IGF1R: variants seen among roughly 807,000 people sequenced by gnomAD.
The protein encoded by IGF1R is insulin-like growth factor 1 receptor.
Under a neutral mutation model 144.6 loss-of-function variants are expected in IGF1R, and 44 were observed. That is an observed-to-expected ratio of 0.30 (90% CI 0.24 to 0.39). The LOEUF is 0.39. Among genes scored for constraint, IGF1R ranks in the 10% least tolerant of loss-of-function variants. The pLI, the probability that IGF1R is intolerant of heterozygous loss-of-function variation, is 1.00. For synonymous variants in IGF1R, 795 were observed against 722.8 expected, an observed-to-expected ratio of 1.10 and a Z score of -1.60; for missense variants, 1,355 against 1,833.7, an observed-to-expected ratio of 0.74 and a Z score of 4.77.
chr15:98,877,910 C>T (rs1002351980), intron 2 of IGF1R, among the ~76,000 whole-genome samples: 4 of 152,166 alleles, frequency 2.6e-5, no homozygotes, highest in Non-Finnish European at 5.9e-5. Context: ...TCAGTTTAGT[C>T]GTTTAAGTTA....
rs532595411 is a variant in IGF1R at position 98,953,598 on chromosome 15, T to A, written c.3723-3463T>A. On this transcript the variant is annotated intron_variant, in intron 20 of 20. Transcript: ENST00000650285. ...TGCGGGATAAGGGCCAGGGCAGAGG[T>A]GTGAACGCAGCCGTGGAAGACTTGG... Among the ~76,000 whole-genome samples the A allele has an allele frequency of 2.2e-4, 33 of 152,124 alleles. 1 individual carries two copies. Among genetic ancestry groups the A allele is most frequent in the African/African-American group, 7.7e-4 (32 of 41,510 alleles).
intron 13 of IGF1R, among the ~76,000 whole-genome samples, chr15:98,928,252 G>C (rs1310956038): frequency 6.6e-6 from 1 of 152,204 alleles, no homozygotes. Context: ...TACCAAGCCA[G>C]ATCATCTCTG....
intron 2 of IGF1R, among the ~76,000 whole-genome samples, chr15:98,821,137 A>C (rs1203929330): frequency 1.3e-5 from 2 of 152,226 alleles, no homozygotes; most frequent in African/African-American, 4.8e-5. Flanking sequence ...GAAGAAAAAC[A>C]AAAATCAAGG....
chr15:98,853,743 G>A (rs1478152539), intron 2 of IGF1R, among the ~76,000 whole-genome samples: 2 of 152,224 alleles, frequency 1.3e-5, no homozygotes, highest in Non-Finnish European at 2.9e-5. Flanking sequence ...AAGGGTCGGT[G>A]CCCTGCGCCC....
At chr15:98,731,879 T>C (rs930850670) in intron 2 of IGF1R, among the ~76,000 whole-genome samples, 2 of 152,202 alleles carry the variant, frequency 1.3e-5, no homozygotes, top group African/African-American at 2.4e-5. Context: ...TGGTTGGTGC[T>C]GCGTGTTGAC....
chr15:98,964,218 TTAAG>T lies in IGF1R; in HGVS notation c.*6781_*6784del, dbSNP rs917555057. On this transcript the variant is annotated 3_prime_UTR_variant, in exon 21 of 21. Coordinates refer to ENST00000650285, the MANE Select transcript of IGF1R (RefSeq NM_000875.5). ...GTTTTCTTGTTAAAAAAAAATTTTT[TTAAG>T]TAAGAAAAAAAAAGGTAATAACATG... 1.3e-4 allele frequency: 30 copies of T among 232,696 alleles called. No homozygotes were observed. The highest frequency in any genetic ancestry group is 3.8e-4 in the African/African-American group (17 of 45,324). The allele number at this position is 232,696 out of a possible 1,614,324, so 14.4% of individuals were successfully genotyped here. A position where few individuals can be genotyped will look rare whatever the true frequency, so the allele number is the denominator to read the frequency against.
intron 1 of IGF1R, among the ~76,000 whole-genome samples, chr15:98,685,819 T>G (rs983329248): frequency 1.5e-4 from 23 of 152,226 alleles, no homozygotes; most frequent in Non-Finnish European, 3.4e-4. Context: ...AGCCGCAGCC[T>G]CCTTGGGTGG....
chr15:98,823,355 A>C (rs759414180), intron 2 of IGF1R, among the ~76,000 whole-genome samples: 1 of 152,160 alleles, frequency 6.6e-6, no homozygotes, highest in African/African-American at 2.4e-5. Context: ...AGCTACTTCA[A>C]ATGCCCACAA....
intron 2 of IGF1R, chr15:98,890,314 A>G (rs1300742015): frequency 6.6e-6 from 1 of 152,244 alleles, no homozygotes; most frequent in Non-Finnish European, 1.5e-5. Context: ...GATCTAGCAG[A>G]TGCAGTTAAA....
intron 2 of IGF1R, among the ~76,000 whole-genome samples, chr15:98,828,970 C>T (rs936855147): frequency 2.0e-5 from 3 of 152,066 alleles, no homozygotes; most frequent in Non-Finnish European, 2.9e-5. Context: ...TTCAAGCCCT[C>T]CGAAGCACTC....
At chr15:98,750,104 T>C (rs980520351) in intron 2 of IGF1R, among the ~76,000 whole-genome samples, 1 of 151,352 alleles carries the variant, frequency 6.6e-6, no homozygotes, top group South Asian at 2.1e-4. Context: ...CCTTTCTCTT[T>C]TGTCATTCTC....
At chr15:98,746,856 C>G (rs1002868444) in intron 2 of IGF1R, among the ~76,000 whole-genome samples, 1 of 152,138 alleles carries the variant, frequency 6.6e-6, no homozygotes, top group African/African-American at 2.4e-5. Flanking sequence ...CTTTGAACCT[C>G]TTGGCACTTG....
intron 2 of IGF1R, among the ~76,000 whole-genome samples, chr15:98,800,468 C>T (rs539578133): frequency 5.9e-5 from 9 of 151,916 alleles, no homozygotes; most frequent in Non-Finnish European, 1.2e-4. Context: ...AACTTGGCAA[C>T]CCCCGTTTTA....
At position 98,891,556 on chromosome 15, in the gene IGF1R, G is replaced by T; in HGVS notation, c.872G>T (p.Ser291Ile). Residue 291 changes from serine to isoleucine, a missense_variant, in exon 3 of 21, where the codon AGC becomes ATC. This residue lies in a region of IGF1R where 880 missense variants were observed against 1,202.7 expected (regional missense o/e 0.73). Transcript: ENST00000650285. The surrounding 1 kb of genome is among the most constrained non-coding windows in gnomAD (Gnocchi z 4.7). The part of the protein sequence containing the change: ...FCANILSAES[S>I]DSEGFVIHDG... ...GCCAACATCCTCAGCGCCGAGAGCA[G>T]CGACTCCGAGGGGTTTGTGATCCAC... 6.2e-7 allele frequency: 1 copy of T among 1,610,026 alleles called. No homozygotes were observed.
chr15:98,872,489 A>G (rs534577960), intron 2 of IGF1R, among the ~76,000 whole-genome samples: 86 of 152,354 alleles, frequency 5.6e-4, no homozygotes, highest in African/African-American at 1.9e-3. Context: ...CAGAATTAGC[A>G]GAGTCAGGAC....
chr15:98,765,469 T>C (rs2055414739), intron 2 of IGF1R, among the ~76,000 whole-genome samples: 1 of 151,908 alleles, frequency 6.6e-6, no homozygotes, highest in Non-Finnish European at 1.5e-5. Flanking sequence ...CCACCACACC[T>C]GGCTAATTTT....
chr15:98,919,463 C>A (rs1049806249), intron 10 of IGF1R, among the ~76,000 whole-genome samples: 3 of 152,178 alleles, frequency 2.0e-5, no homozygotes, highest in African/African-American at 7.2e-5. Context: ...CCCTTGCTTT[C>A]AGTTGTAGTT....
chr15:98,772,112 A>G (rs889234606), intron 2 of IGF1R, among the ~76,000 whole-genome samples: 8 of 152,138 alleles, frequency 5.3e-5, no homozygotes, highest in African/African-American at 1.9e-4. Context: ...AGAGAATTCT[A>G]ATTGAAGTAA....
intron 2 of IGF1R, among the ~76,000 whole-genome samples, chr15:98,853,058 A>G (rs767373400): frequency 1.1e-4 from 16 of 152,200 alleles, no homozygotes; most frequent in Non-Finnish European, 2.2e-4. Flanking sequence ...CAGCAGAAAC[A>G]AGGTGCATCT....
Sources: allele counts gnomAD v4.1 joint callset (sites outside exome capture counted in the v4.1 genomes callset), GRCh38; gene constraint gnomAD v4.1.1; regional missense constraint gnomAD v4.1.1; non-coding constraint Gnocchi (gnomAD v3.1); transcripts MANE v1.5; gene names NCBI Gene and HGNC (gene_info 2026-07-23, HGNC 2026-07-21).